VWA8: variants seen among roughly 807,000 people sequenced by gnomAD.
The protein encoded by VWA8 is von Willebrand factor A domain containing 8.
A neutral mutation model predicts 241.5 loss-of-function variants in VWA8; 221 were observed. That is an observed-to-expected ratio of 0.91 (90% CI 0.82 to 1.02). VWA8 has a LOEUF of 1.02. VWA8 is among the 50% of genes least tolerant of loss of function. The pLI, the probability that VWA8 is intolerant of heterozygous loss-of-function variation, is 0.00. For synonymous variants in VWA8, 852 were observed against 827.1 expected, an observed-to-expected ratio of 1.03 and a Z score of -0.52; for missense variants, 2,322 against 2,328.7, an observed-to-expected ratio of 1.00 and a Z score of 0.06.
At position 41,628,995 on chromosome 13, in the gene VWA8, C is replaced by T. The variant is rs539450688; in HGVS notation, c.4612-13911G>A. 3.9e-5 allele frequency among the ~76,000 whole-genome samples: 6 copies of T among 152,096 alleles called. No homozygotes were observed. The East Asian group carries it at 5.8e-4, about 15-fold the overall frequency. The stretch of plus-strand genomic sequence containing the variant: ...GGTGGAGGTTGCAATGAGCCATGAT[C>T]GCACCACTGCACTCCAGTCTGGCGA... On this transcript the variant is annotated intron_variant, in intron 37 of 44. Coordinates refer to ENST00000379310, the MANE Select transcript of VWA8 (RefSeq NM_015058.2).
intron 15 of VWA8, 53 bp downstream of exon 15, chr13:41,819,165 T>C (rs563959014): frequency 1.3e-6 from 2 of 1,552,362 alleles, no homozygotes; most frequent in East Asian, 4.5e-5. Context: ...CAGAGTGCCT[T>C]AAAAAGAGAT....
chr13:41,910,830 A>T (rs1206564699), intron 3 of VWA8, among the ~76,000 whole-genome samples: 1 of 152,126 alleles, frequency 6.6e-6, no homozygotes, highest in Non-Finnish European at 1.5e-5. Flanking sequence ...TTTTTGAAGT[A>T]CCAAAGAAGA....
intron 40 of VWA8, among the ~76,000 whole-genome samples, chr13:41,598,341 G>A (rs1412484703): frequency 6.6e-6 from 1 of 151,812 alleles, no homozygotes; most frequent in Non-Finnish European, 1.5e-5. Context: ...AAACTAATAT[G>A]AGAATTTAGG....
chr13:41,586,298 T>C (rs577049124), intron 42 of VWA8, among the ~76,000 whole-genome samples: 1 of 152,290 alleles, frequency 6.6e-6, no homozygotes, highest in East Asian at 1.9e-4. Context: ...GCTCTGAGCT[T>C]CCTGGCAACT....
chr13:41,865,589 A>G (rs1261027629), intron 12 of VWA8, 147 bp downstream of exon 12: 1 of 785,416 alleles, frequency 1.3e-6, no homozygotes, highest in Admixed American at 3.0e-5. Context: ...TTATAATTGC[A>G]CTTTAATTTG....
chr13:41,939,239 G>A (rs1044027110), intron 2 of VWA8, among the ~76,000 whole-genome samples: 10 of 152,178 alleles, frequency 6.6e-5, no homozygotes, highest in Non-Finnish European at 1.2e-4. Flanking sequence ...GCACAACCTC[G>A]TGAGGCAAAC....
In VWA8 at chr13:41,677,047, T is replaced by G. The variant is rs531370417; in HGVS notation, c.4328-1751A>C. 1.1e-3 allele frequency among the ~76,000 whole-genome samples: 171 copies of G among 152,336 alleles called. 1 individual carries two copies. Among genetic ancestry groups the G allele is most frequent in the Admixed American group, 2.4e-3 (37 of 15,296 alleles). Reference sequence around the variant, plus strand: ...CAGAATTATATTTTCAAGATTTTCATCTTTTGGGATTGTGCCAGAATTTTA... The same window carrying G: ...CAGAATTATATTTTCAAGATTTTCAGCTTTTGGGATTGTGCCAGAATTTTA... On this transcript the variant is annotated intron_variant, in intron 35 of 44. Transcript: ENST00000379310.
intron 12 of VWA8, among the ~76,000 whole-genome samples, chr13:41,857,073 C>T (rs896592014): frequency 1.3e-5 from 2 of 152,080 alleles, no homozygotes; most frequent in Admixed American, 6.5e-5. Flanking sequence ...TAGACATTAT[C>T]AAGAGGCTTT....
At chr13:41,927,361 A>G in intron 2 of VWA8, 1 of 524,010 alleles carries the variant, frequency 1.9e-6, no homozygotes, top group South Asian at 1.4e-5. Context: ...GAAAATAATA[A>G]TTGCAAGTTG....
chr13:41,891,296 T>C (rs1440609581), intron 5 of VWA8, 124 bp downstream of exon 5: 6 of 1,161,842 alleles, frequency 5.2e-6, no homozygotes, highest in South Asian at 1.6e-5. Flanking sequence ...CTCTAGCAAT[T>C]TACCCAAGAT....
At chr13:41,663,084 G>C (rs567794785) in intron 37 of VWA8, among the ~76,000 whole-genome samples, 1 of 152,250 alleles carries the variant, frequency 6.6e-6, no homozygotes, top group South Asian at 2.1e-4. Flanking sequence ...TTGAATAGTA[G>C]CTCATGCATT....
chr13:41,827,949 A>G lies in VWA8; in HGVS notation c.1700+2580T>C, dbSNP rs141608747. 1.0e-3 allele frequency among the ~76,000 whole-genome samples: 153 copies of G among 152,358 alleles called. 1 individual carries two copies. Among genetic ancestry groups the G allele is most frequent in the African/African-American group, 3.5e-3 (145 of 41,596 alleles). On this transcript the variant is annotated intron_variant, in intron 14 of 44. Coordinates refer to ENST00000379310, the MANE Select transcript of VWA8 (RefSeq NM_015058.2). ...GGCAGGCATGCTGTGAACTATTGCA[A>G]AATTGCTTTGATTCATCCTTCTGAA...
chr13:41,869,660 A>C (rs12857496), intron 9 of VWA8, among the ~76,000 whole-genome samples: 1 of 133,230 alleles, frequency 7.5e-6, no homozygotes, highest in African/African-American at 2.9e-5. Flanking sequence ...AAAAAAAAAA[A>C]GGCTAGAACC....
chr13:41,702,494 T>C (rs1177146606), intron 27 of VWA8, among the ~76,000 whole-genome samples: 2 of 152,256 alleles, frequency 1.3e-5, no homozygotes, highest in Non-Finnish European at 2.9e-5. Flanking sequence ...GATTACCACA[T>C]GTCTGGGTGT....
chr13:41,655,591 TAG>T (rs2044899087), intron 37 of VWA8, among the ~76,000 whole-genome samples: 1 of 152,238 alleles, frequency 6.6e-6, no homozygotes, highest in Admixed American at 6.5e-5. Flanking sequence ...ACAGAAATTA[TAG>T]AGTTTGGATT....
At position 41,881,372 on chromosome 13, in the gene VWA8, CGGGGGG is replaced by C. The variant is rs756711531; in HGVS notation, c.1080+2009_1080+2014del. 6.1e-3 allele frequency among the ~76,000 whole-genome samples: 51 copies of C among 8,298 alleles called. 3 individuals carry two copies. Among genetic ancestry groups the C allele is most frequent in the African/African-American group, 0.012 (16 of 1,312 alleles). The allele number at this position is 8,298 out of a possible 152,430, so 5.4% of individuals were successfully genotyped here. A position where few individuals can be genotyped will look rare whatever the true frequency, so the allele number is the denominator to read the frequency against. On this transcript the variant is annotated intron_variant, in intron 9 of 44. Transcript: ENST00000379310. ...CTAGAACATCATAGTTTTTTTTTGC[CGGGGGG>C]GGGGGGGGGGGGGTAAGGTCACAGA...
intron 17 of VWA8, among the ~76,000 whole-genome samples, chr13:41,806,945 C>A (rs1455898438): frequency 1.3e-5 from 2 of 148,990 alleles, no homozygotes; most frequent in African/African-American, 4.9e-5. Flanking sequence ...AATTGACAAA[C>A]CTTTACTCCA....
At chr13:41,853,012 T>G (rs1346155127) in intron 12 of VWA8, among the ~76,000 whole-genome samples, 1 of 152,194 alleles carries the variant, frequency 6.6e-6, no homozygotes, top group Non-Finnish European at 1.5e-5. Flanking sequence ...AGAGATTGAT[T>G]GCATTGAATC....
chr13:41,655,281 G>A lies in VWA8; in HGVS notation c.4611+15665C>T, dbSNP rs1338531153. Among the ~76,000 whole-genome samples, 3 of 151,948 alleles carry A rather than the reference G, an allele frequency of 2.0e-5. No individual in the cohort carries two copies. The East Asian group carries it at 5.8e-4, about 29-fold the overall frequency. On this transcript the variant is annotated intron_variant, in intron 37 of 44. Coordinates refer to ENST00000379310, the MANE Select transcript of VWA8 (RefSeq NM_015058.2). ...ATTTTTATATTTTAGGAGAGATGGG[G>A]TTTCGCCATGTTGGCCAGGCTGGTC... is the stretch of plus-strand genomic sequence containing the variant.
Sources: allele counts gnomAD v4.1 joint callset (sites outside exome capture counted in the v4.1 genomes callset), GRCh38; gene constraint gnomAD v4.1.1; transcripts MANE v1.5; gene names NCBI Gene and HGNC (gene_info 2026-07-23, HGNC 2026-07-21).